The following COL27A1 variants were observed in gnomAD, a reference collection of about 807,000 sequenced individuals.
COL27A1 encodes the protein collagen type XXVII alpha 1 chain.
In COL27A1, 106 loss-of-function variants were observed where a neutral mutation model predicts 251.3. The observed-to-expected ratio is 0.42, with a 90% CI of 0.36 to 0.50. The LOEUF (loss-of-function observed/expected upper bound fraction) is 0.50. Ranked by LOEUF, COL27A1 falls within the 20% of genes least tolerant of loss-of-function variation. COL27A1 has a pLI of 0.00. For missense variants in COL27A1, 2,325 were observed against 2,522.8 expected, an observed-to-expected ratio of 0.92 and a Z score of 1.68; for synonymous variants, 1,000 against 986.3, an observed-to-expected ratio of 1.01 and a Z score of -0.26.
chr9:114,214,863 G>A (rs1830614285), intron 12 of COL27A1, among the ~76,000 whole-genome samples: 4 of 152,240 alleles, frequency 2.6e-5, no homozygotes, highest in African/African-American at 9.6e-5. Flanking sequence ...CTTTCTCCTG[G>A]CCTGTCCTGG....
chr9:114,259,995 T>TGG (rs56029388), intron 28 of COL27A1, among the ~76,000 whole-genome samples: 796 of 131,530 alleles, frequency 6.1e-3, no homozygotes, highest in African/African-American at 9.6e-3. Flanking sequence ...GTCCTCTGGG[T>TGG]GGGGGGGGGG....
At chr9:114,243,412 G>A (rs1832898307) in intron 22 of COL27A1, 95 bp from the exon 23 acceptor site, 1 of 999,146 alleles carries the variant, frequency 1.0e-6, no homozygotes. Context: ...GCTCTCTACA[G>A]CTGTGGATAC....
intron 10 of COL27A1, among the ~76,000 whole-genome samples, chr9:114,208,324 ACCT>A (rs1461549418): frequency 6.6e-6 from 1 of 152,060 alleles, no homozygotes; most frequent in Non-Finnish European, 1.5e-5. Context: ...ACCTGTGATC[ACCT>A]GTGATCAGCT....
intron 3 of COL27A1, among the ~76,000 whole-genome samples, chr9:114,177,105 C>T (rs1827516385): frequency 6.6e-6 from 1 of 152,236 alleles, no homozygotes; most frequent in African/African-American, 2.4e-5. Flanking sequence ...TCCTCATTTA[C>T]TCCTTCGAGG....
chr9:114,208,719 A>T (rs1055323455), intron 10 of COL27A1, among the ~76,000 whole-genome samples: 34 of 152,264 alleles, frequency 2.2e-4, no homozygotes, highest in African/African-American at 7.7e-4. Flanking sequence ...AATAATGAAG[A>T]TACAAGGGAG....
intron 31 of COL27A1, 92 bp from the exon 32 acceptor site, chr9:114,265,330 G>T: frequency 7.4e-7 from 1 of 1,360,034 alleles, no homozygotes; most frequent in Non-Finnish European, 1.0e-6. Flanking sequence ...GGGAGGAGGG[G>T]ACCCAAATAC....
chr9:114,156,773 G>A (rs1848149024), intron 1 of COL27A1, among the ~76,000 whole-genome samples: 1 of 152,154 alleles, frequency 6.6e-6, no homozygotes, highest in African/African-American at 2.4e-5. Flanking sequence ...CAGAGGCTGG[G>A]ATTCCCAGCG....
At chr9:114,259,944 A>C (rs1834196944) in intron 28 of COL27A1, among the ~76,000 whole-genome samples, 1 of 149,198 alleles carries the variant, frequency 6.7e-6, no homozygotes, top group Non-Finnish European at 1.5e-5. Flanking sequence ...GGAAGATTAA[A>C]AGGCATTCCT....
At chr9:114,277,643 G>A (rs1038778) in intron 37 of COL27A1, among the ~76,000 whole-genome samples, 2,510 of 152,322 alleles carry the variant, frequency 0.016, 61 homozygotes, top group African/African-American at 0.058. Flanking sequence ...CGCTGAGTCA[G>A]CCAGGAGGCT....
At chr9:114,264,784 T>G in intron 29 of COL27A1, 140 bp from the exon 30 acceptor site, 1 of 867,742 alleles carries the variant, frequency 1.2e-6, no homozygotes, top group South Asian at 1.9e-5. Context: ...GGCCTTAGTT[T>G]TCCCATCTGC....
At chr9:114,304,519 G>A (rs1828888196) in intron 56 of COL27A1, 89 bp from the exon 57 acceptor site, 1 of 1,221,846 alleles carries the variant, frequency 8.2e-7, no homozygotes, top group Non-Finnish European at 1.2e-6. Context: ...CCAAGATCCT[G>A]CCAGGGAATG....
chr9:114,154,610 T>C (rs140158631), upstream of COL27A1, among the ~76,000 whole-genome samples: 7 of 152,264 alleles, frequency 4.6e-5, no homozygotes, highest in South Asian at 8.3e-4. This position sits in a 1 kb window ranked among gnomAD's most constrained non-coding sequence, Gnocchi z 5.8. Flanking sequence ...TTTGTGCCTG[T>C]GTAAGCATCC....
At chr9:114,201,516 C>T (rs1407812485) in intron 7 of COL27A1, among the ~76,000 whole-genome samples, 2 of 152,166 alleles carry the variant, frequency 1.3e-5, no homozygotes, top group Non-Finnish European at 2.9e-5. Context: ...CTGGGGTGTT[C>T]ACGGCAATGT....
intron 14 of COL27A1, among the ~76,000 whole-genome samples, chr9:114,223,745 C>T (rs1831275492): frequency 6.6e-6 from 1 of 152,178 alleles, no homozygotes; most frequent in African/African-American, 2.4e-5. Flanking sequence ...TTTTTAACCA[C>T]CCTATGCCTC....
In COL27A1 at chr9:114,209,469, C is replaced by T. The variant is rs776650840; in HGVS notation, c.2269-206C>T. The T allele has an allele frequency of 1.8e-5, 14 of 776,546 alleles. No individual in the cohort carries two copies. The Admixed American group carries it at 1.9e-4, about 10-fold the overall frequency. The allele number at this position is 776,546 out of a possible 1,614,324, so 48.1% of individuals were successfully genotyped here. A position where few individuals can be genotyped will look rare whatever the true frequency, so the allele number is the denominator to read the frequency against. ...GAGGGTATGTGCCTTTGGACTACATCGTGGAAGCCAGCACCATGCAGTCCA... is the reference window on the plus strand; with the variant it reads ...GAGGGTATGTGCCTTTGGACTACATTGTGGAAGCCAGCACCATGCAGTCCA... On this transcript the variant is annotated intron_variant, in intron 10 of 60. Coordinates refer to ENST00000356083, the MANE Select transcript of COL27A1 (RefSeq NM_032888.4).
chr9:114,275,319 T>C (rs1434194022), intron 36 of COL27A1, among the ~76,000 whole-genome samples: 1 of 152,064 alleles, frequency 6.6e-6, no homozygotes, highest in African/African-American at 2.4e-5. Flanking sequence ...TGTGTCTAAG[T>C]TGGAGAGAAA....
intron 11 of COL27A1, 55 bp downstream of exon 11, chr9:114,209,783 G>A: frequency 1.3e-6 from 2 of 1,549,976 alleles, no homozygotes; most frequent in African/African-American, 2.7e-5. Flanking sequence ...CCCAAACAGA[G>A]CAGAACCTGC....
chr9:114,257,197 C>T (rs1833976891), intron 27 of COL27A1, among the ~76,000 whole-genome samples: 1 of 152,194 alleles, frequency 6.6e-6, no homozygotes, highest in African/African-American at 2.4e-5. Context: ...CTGGGCCTCT[C>T]CCTGGTATTC....
In COL27A1 at chr9:114,269,235, T is replaced by C; in HGVS notation, c.3502-6T>C. Reference sequence around the variant, plus strand: ...CCCGCAAGGACTTTTGTTCGGCTTCTCCTAGGGTGACCTTGGACCCCTGGG... The same window carrying C: ...CCCGCAAGGACTTTTGTTCGGCTTCCCCTAGGGTGACCTTGGACCCCTGGG... On this transcript the variant is annotated splice_polypyrimidine_tract_variant and splice_region_variant and intron_variant, in intron 34 of 60. Transcript: ENST00000356083. 1.9e-6 allele frequency: 3 copies of C among 1,598,558 alleles called. No individual in the cohort carries two copies. The highest frequency in any genetic ancestry group is 2.6e-6 in the Non-Finnish European group (3 of 1,171,604).
Sources: gnomAD v4.1 joint callset for allele counts (sites outside exome capture counted in the v4.1 genomes callset) on GRCh38, gnomAD v4.1.1 for gene constraint, Gnocchi (gnomAD v3.1) non-coding constraint, MANE v1.5 for transcripts, NCBI Gene and HGNC (gene_info 2026-07-23, HGNC 2026-07-21) for gene names.